C16orf74: variants seen among roughly 807,000 people sequenced by gnomAD.
The protein encoded by C16orf74 is calcimembrin.
A neutral mutation model predicts 6.5 loss-of-function variants in C16orf74; 10 were observed. The observed-to-expected ratio is 1.54, with a 90% CI of 0.95 to 2.61. C16orf74 has a LOEUF of 2.61. Ranked by LOEUF, C16orf74 falls within the 30% of genes most tolerant of loss-of-function variation. C16orf74 has a pLI of 0.00. For missense variants in C16orf74, 141 were observed against 105.9 expected (o/e 1.33, Z -1.45); for synonymous variants, 60 against 42.5 (o/e 1.41, Z -1.60).
chr16:85,722,408 G>A (rs2152060624), intron 2 of C16orf74, among the ~76,000 whole-genome samples: 2 of 152,350 alleles, frequency 1.3e-5, no homozygotes, highest in African/African-American at 4.8e-5. Flanking sequence ...CCTGTGGGCA[G>A]CTGAAGCTGG....
chr16:85,715,135 T>C (rs2054010557), intron 2 of C16orf74, among the ~76,000 whole-genome samples: 1 of 141,862 alleles, frequency 7.0e-6, no homozygotes, highest in African/African-American at 2.7e-5. Context: ...CCAGCCCGGG[T>C]GACAGAGCCA....
chr16:85,749,669 C>T (rs2054414298), intron 1 of C16orf74, among the ~76,000 whole-genome samples: 1 of 152,232 alleles, frequency 6.6e-6, no homozygotes. Flanking sequence ...GGGTCTGGTG[C>T]ATGAGGAGTG....
At chr16:85,734,733 C>T (rs1403526079) in intron 2 of C16orf74, among the ~76,000 whole-genome samples, 1 of 152,204 alleles carries the variant, frequency 6.6e-6, no homozygotes, top group African/African-American at 2.4e-5. Flanking sequence ...TTTGCTAACA[C>T]CCACAACACC....
At chr16:85,747,540 G>A (rs924332300) in intron 1 of C16orf74, among the ~76,000 whole-genome samples, 4 of 152,070 alleles carry the variant, frequency 2.6e-5, no homozygotes, top group African/African-American at 9.7e-5. Context: ...GGGATTTCTG[G>A]GGGTGTCCTG....
At chr16:85,730,767 G>C (rs979945246) in intron 2 of C16orf74, among the ~76,000 whole-genome samples, 1 of 150,188 alleles carries the variant, frequency 6.7e-6, no homozygotes, top group Non-Finnish European at 1.5e-5. Context: ...GTAACTCCCA[G>C]ACCAGACAAC....
At chr16:85,710,340 T>C in intron 2 of C16orf74, 33 bp from the exon 3 acceptor site, 1 of 1,454,704 alleles carries the variant, frequency 6.9e-7, no homozygotes, top group Non-Finnish European at 8.9e-7. Context: ...CACACGCACG[T>C]ACACACGACA....
At chr16:85,743,090 G>C (rs1359211174) in intron 1 of C16orf74, among the ~76,000 whole-genome samples, 1 of 152,158 alleles carries the variant, frequency 6.6e-6, no homozygotes, top group Non-Finnish European at 1.5e-5. Context: ...ATTTATGTGG[G>C]AGTGTGGAGA....
At chr16:85,726,202 G>C (rs188445489) in intron 2 of C16orf74, among the ~76,000 whole-genome samples, 1 of 151,922 alleles carries the variant, frequency 6.6e-6, no homozygotes, top group Non-Finnish European at 1.5e-5. Context: ...CAGCCTGCTG[G>C]GTGTGTGTTT....
intron 2 of C16orf74, among the ~76,000 whole-genome samples, chr16:85,717,644 C>T (rs1046885113): frequency 2.6e-5 from 4 of 152,142 alleles, no homozygotes; most frequent in African/African-American, 4.8e-5. Flanking sequence ...CCAAAGCATC[C>T]GGAGCCAGGC....
intron 2 of C16orf74, among the ~76,000 whole-genome samples, chr16:85,714,825 C>T (rs1291288921): frequency 1.3e-5 from 2 of 151,932 alleles, no homozygotes; most frequent in Non-Finnish European, 2.9e-5. Context: ...CCCATCGAAG[C>T]AGGTCTAATA....
intron 1 of C16orf74, among the ~76,000 whole-genome samples, chr16:85,740,309 C>G (rs1487834468): frequency 6.6e-6 from 1 of 150,648 alleles, no homozygotes; most frequent in Non-Finnish European, 1.5e-5. Context: ...AATCCTAGCA[C>G]TTTGGGAGGC....
chr16:85,735,059 C>T (rs769270915), intron 2 of C16orf74, 131 bp downstream of exon 2: 138 of 665,922 alleles, frequency 2.1e-4, no homozygotes, highest in Non-Finnish European at 3.2e-4. Flanking sequence ...CTGCTGTGTA[C>T]AGGACTGCTT....
intron 2 of C16orf74, among the ~76,000 whole-genome samples, chr16:85,722,817 C>T (rs183339790): frequency 1.3e-5 from 2 of 152,372 alleles, no homozygotes; most frequent in African/African-American, 4.8e-5. Flanking sequence ...GGTCCCTCAG[C>T]ACGTTCTATG....
At chr16:85,737,338 G>A (rs2054255915) in intron 1 of C16orf74, among the ~76,000 whole-genome samples, 2 of 152,282 alleles carry the variant, frequency 1.3e-5, no homozygotes, top group South Asian at 4.1e-4. Flanking sequence ...CTCAGAACCT[G>A]CATCCACACT....
At chr16:85,734,180 T>A (rs1336342561) in intron 2 of C16orf74, among the ~76,000 whole-genome samples, 1 of 152,222 alleles carries the variant, frequency 6.6e-6, no homozygotes, top group Non-Finnish European at 1.5e-5. Context: ...CTACAGAGCC[T>A]GGTGAATTTG....
intron 2 of C16orf74, among the ~76,000 whole-genome samples, chr16:85,723,673 G>A (rs2054105032): frequency 6.6e-6 from 1 of 152,220 alleles, no homozygotes; most frequent in South Asian, 2.1e-4. Flanking sequence ...ATGGTAGAAG[G>A]ATATTTACTG....
At chr16:85,747,082 A>C (rs1188060595) in intron 1 of C16orf74, among the ~76,000 whole-genome samples, 2 of 152,066 alleles carry the variant, frequency 1.3e-5, no homozygotes, top group African/African-American at 4.8e-5. Flanking sequence ...CGAAATCCCC[A>C]CCTGCTTGGC....
intron 3 of C16orf74, among the ~76,000 whole-genome samples, chr16:85,708,300 G>A (rs1198267638): frequency 6.6e-6 from 1 of 152,060 alleles, no homozygotes; most frequent in Non-Finnish European, 1.5e-5. Flanking sequence ...CCTGGGGCTC[G>A]GACTTTGTAG....
intron 2 of C16orf74, among the ~76,000 whole-genome samples, chr16:85,726,752 C>T (rs187645716): frequency 1.2e-3 from 187 of 152,326 alleles, no homozygotes; most frequent in African/African-American, 4.1e-3. Context: ...GAGCTCCTGT[C>T]CCCAGGGATG....
Sources: allele counts gnomAD v4.1 joint callset (sites outside exome capture counted in the v4.1 genomes callset), GRCh38; gene constraint gnomAD v4.1.1; transcripts MANE v1.5; gene names NCBI Gene and HGNC (gene_info 2026-07-23, HGNC 2026-07-21).